CTDSPL2: variants seen among roughly 807,000 people sequenced by gnomAD.
The protein encoded by CTDSPL2 is CTD small phosphatase-like protein 2.
CTDSPL2 carries 5 observed loss-of-function variants against 60.0 expected under a neutral mutation model. The ratio of observed to expected loss-of-function variants is 0.08; its 90% CI spans 0.04 to 0.18. The LOEUF is 0.18. Ranked by LOEUF, CTDSPL2 falls within the 10% of genes least tolerant of loss-of-function variation. The probability of loss-of-function intolerance (pLI) is 1.00; values close to 1 mark genes in which losing one functional copy is unlikely to be tolerated. For synonymous variants in CTDSPL2, 186 were observed against 189.3 expected (o/e 0.98, Z 0.14); for missense variants, 370 against 548.8 (o/e 0.67, Z 3.26).
chr15:44,454,797 G>A (rs1224412134), intron 1 of CTDSPL2, among the ~76,000 whole-genome samples: 1 of 152,098 alleles, frequency 6.6e-6, no homozygotes, highest in African/African-American at 2.4e-5. Flanking sequence ...TCTCTGTTTT[G>A]GTACCAGTAC....
At chr15:44,464,611 C>G (rs1038797515) in intron 2 of CTDSPL2, among the ~76,000 whole-genome samples, 4 of 152,204 alleles carry the variant, frequency 2.6e-5, no homozygotes, top group Non-Finnish European at 5.9e-5. Flanking sequence ...CCTCACACCC[C>G]TCACATGGTC....
chr15:44,524,396 C>T lies in CTDSPL2; in HGVS notation c.*222C>T, dbSNP rs1373331204. ...GGCTAAAACAGAAGAGTCTTTAGAACTAGTGCAACTCCAGTGAAATTTTTT... is the reference window on the plus strand; with the variant it reads ...GGCTAAAACAGAAGAGTCTTTAGAATTAGTGCAACTCCAGTGAAATTTTTT... On this transcript the variant is annotated 3_prime_UTR_variant, in exon 13 of 13. Transcript: ENST00000260327. 2.0e-6 allele frequency: 1 copy of T among 495,016 alleles called. No homozygotes were observed. Among genetic ancestry groups the T allele is most frequent in the South Asian group, 2.9e-5 (1 of 34,050 alleles). 30.7% of individuals were successfully genotyped at this position (495,016 alleles called of 1,614,324 possible).
intron 2 of CTDSPL2, among the ~76,000 whole-genome samples, chr15:44,480,323 G>T (rs1313838729): frequency 6.6e-6 from 1 of 152,112 alleles, no homozygotes; most frequent in Non-Finnish European, 1.5e-5. Context: ...TCTCAGGTGT[G>T]CCACCTCACT....
rs1469106211 is a variant in CTDSPL2 at position 44,524,207 on chromosome 15, G to A, written c.*33G>A. The A allele has an allele frequency of 2.6e-6, 4 of 1,551,638 alleles. No homozygotes were observed. In the Admixed American group the frequency reaches 6.7e-5, roughly 26 times the overall value. On this transcript the variant is annotated 3_prime_UTR_variant, in exon 13 of 13. Coordinates refer to ENST00000260327, the MANE Select transcript of CTDSPL2 (RefSeq NM_016396.3). The stretch of plus-strand genomic sequence containing the variant: ...GACTTGTCAAATCACTGAAGGGGGA[G>A]AGAATGCAGGACCCTTTTGGACTAA...
chr15:44,458,468 A>G (rs2080494822), intron 1 of CTDSPL2, among the ~76,000 whole-genome samples: 1 of 152,182 alleles, frequency 6.6e-6, no homozygotes, highest in Non-Finnish European at 1.5e-5. Flanking sequence ...TTCTGTTGTT[A>G]CACTTATATG....
chr15:44,480,165 C>G (rs1040837493), intron 2 of CTDSPL2, among the ~76,000 whole-genome samples: 3 of 152,128 alleles, frequency 2.0e-5, no homozygotes, highest in Non-Finnish European at 2.9e-5. Flanking sequence ...CTGTTCCTGT[C>G]ATTTCAATTC....
intron 1 of CTDSPL2, among the ~76,000 whole-genome samples, chr15:44,442,680 C>CA (rs577392376): frequency 7.8e-4 from 113 of 145,554 alleles, no homozygotes; most frequent in African/African-American, 1.9e-3. Flanking sequence ...AGTTGGTTAG[C>CA]AAAAAAAAAA....
chr15:44,481,501 A>G (rs1367752764), intron 2 of CTDSPL2, among the ~76,000 whole-genome samples: 1 of 152,152 alleles, frequency 6.6e-6, no homozygotes, highest in Non-Finnish European at 1.5e-5. Flanking sequence ...GTTGAATTTG[A>G]TATTCTCTTC....
intron 4 of CTDSPL2, 115 bp from the exon 5 acceptor site, chr15:44,490,669 T>C: frequency 1.3e-6 from 1 of 750,432 alleles, no homozygotes; most frequent in Non-Finnish European, 2.3e-6. Flanking sequence ...ATACTCAGCT[T>C]TGTTCCTGCA....
In CTDSPL2 at chr15:44,458,997, A is replaced by G; in HGVS notation, c.-18A>G. On this transcript the variant is annotated 5_prime_UTR_variant, in exon 2 of 13. An upstream start codon of the reference 5' UTR is lost. Transcript: ENST00000260327. The stretch of plus-strand genomic sequence containing the variant: ...TATTATTTTTCTCTTTTAGTTTTAC[A>G]TGTGGCACCCATAAAAGATGAGGCT... The G allele has an allele frequency of 8.0e-6, 12 of 1,508,706 alleles. No individual in the cohort carries two copies. Among genetic ancestry groups the G allele is most frequent in the Non-Finnish European group, 9.7e-6 (11 of 1,130,004 alleles). 93.5% of individuals were successfully genotyped at this position (1,508,706 alleles called of 1,614,324 possible).
Position 44,525,363 on chromosome 15 carries a change from G to A in CTDSPL2, c.*1189G>A, listed in dbSNP as rs546372617. On this transcript the variant is annotated 3_prime_UTR_variant, in exon 13 of 13. Transcript: ENST00000260327. ...TATATGAAAATAGTCTTCAAGCCTT[G>A]GTTCTCTAATGCAGCTACCACAAGA... 5 of 398,650 alleles carry A rather than the reference G, an allele frequency of 1.3e-5. No homozygotes were observed. Among genetic ancestry groups the A allele is most frequent in the Non-Finnish European group, 4.4e-6 (1 of 225,888 alleles). The allele number at this position is 398,650 out of a possible 1,614,324, so 24.7% of individuals were successfully genotyped here. A position where few individuals can be genotyped will look rare whatever the true frequency, so the allele number is the denominator to read the frequency against.
rs551212265 is a variant in CTDSPL2, at chr15:44,441,653, A to G, written c.-25+13881A>G. ...TGCTTGCTTTCTGTCTCTCCTAGGA[A>G]GGGGTTGTATTTTCTTGGATTTGAG... On this transcript the variant is annotated intron_variant, in intron 1 of 12. Transcript: ENST00000260327. Among the ~76,000 whole-genome samples the G allele has an allele frequency of 3.3e-5, 5 of 152,064 alleles. No individual in the cohort carries two copies. The East Asian group carries it at 9.7e-4, about 29-fold the overall frequency.
At chr15:44,519,848 C>T (rs2081730256) in intron 11 of CTDSPL2, 1 of 152,488 alleles carries the variant, frequency 6.6e-6, no homozygotes, top group South Asian at 2.1e-4. Flanking sequence ...GATCTTGGCT[C>T]ACTGCAACCT....
intron 10 of CTDSPL2, among the ~76,000 whole-genome samples, chr15:44,517,922 CG>C (rs2081686727): frequency 6.6e-6 from 1 of 152,132 alleles, no homozygotes; most frequent in Non-Finnish European, 1.5e-5. Context: ...TAAACTTTCC[CG>C]GGGCCAGATG....
At chr15:44,463,948 C>T (rs1297796817) in intron 2 of CTDSPL2, among the ~76,000 whole-genome samples, 1 of 152,136 alleles carries the variant, frequency 6.6e-6, no homozygotes, top group Non-Finnish European at 1.5e-5. Flanking sequence ...ACAATAACAA[C>T]AATAATTATA....
chr15:44,486,746 T>A (rs756176660), intron 4 of CTDSPL2, 46 bp downstream of exon 4: 9 of 1,291,702 alleles, frequency 7.0e-6, no homozygotes, highest in Admixed American at 5.4e-5. Context: ...TTTAAAAAAA[T>A]GCATAGTTTG....
rs2079773089 is a variant in CTDSPL2 at position 44,427,710 on chromosome 15, C to T, written c.-87C>T. On this transcript the variant is annotated 5_prime_UTR_variant, in exon 1 of 13. Coordinates refer to ENST00000260327, the MANE Select transcript of CTDSPL2 (RefSeq NM_016396.3). ...GCTGCGGGGTAAGCGGGAAAGACAC[C>T]ACACATTGCGCAGTCGGGACCATCG... 1 of 399,520 alleles carries T rather than the reference C, an allele frequency of 2.5e-6. No individual in the cohort carries two copies. Among genetic ancestry groups the T allele is most frequent in the Non-Finnish European group, 4.4e-6 (1 of 226,494 alleles). 24.7% of individuals were successfully genotyped at this position (399,520 alleles called of 1,614,324 possible). A position where few individuals can be genotyped will look rare whatever the true frequency, so the allele number is the denominator to read the frequency against.
intron 1 of CTDSPL2, among the ~76,000 whole-genome samples, chr15:44,445,324 A>T (rs906463782): frequency 6.6e-6 from 1 of 151,820 alleles, no homozygotes; most frequent in African/African-American, 2.4e-5. Flanking sequence ...AGTAGTTGGG[A>T]CTATAGGCAT....
chr15:44,492,752 C>T (rs1462413070), intron 5 of CTDSPL2, among the ~76,000 whole-genome samples: 1 of 152,086 alleles, frequency 6.6e-6, no homozygotes, highest in African/African-American at 2.4e-5. Flanking sequence ...AAAAATAATA[C>T]AGAATCTAAC....
Sources: gnomAD v4.1 joint callset for allele counts (sites outside exome capture counted in the v4.1 genomes callset) on GRCh38, gnomAD v4.1.1 for gene constraint, MANE v1.5 for transcripts, NCBI Gene and HGNC (gene_info 2026-07-23, HGNC 2026-07-21) for gene names.